The following SVOPL variants were observed in gnomAD, a reference collection of about 807,000 sequenced individuals.
SVOPL encodes the protein SVOP like, also known as putative transporter SVOPL.
In SVOPL, 60 loss-of-function variants were observed where a neutral mutation model predicts 61.0. The observed-to-expected ratio is 0.98, with a 90% CI of 0.80 to 1.22. SVOPL has a LOEUF of 1.22. SVOPL is among the 50% of genes most tolerant of loss of function. SVOPL has a pLI of 0.00. For missense variants in SVOPL, 662 were observed against 643.9 expected, an observed-to-expected ratio of 1.03 and a Z score of -0.30; for synonymous variants, 279 against 250.0, an observed-to-expected ratio of 1.12 and a Z score of -1.09.
At chr7:138,623,761 T>A (rs2116892877) in intron 13 of SVOPL, among the ~76,000 whole-genome samples, 1 of 152,338 alleles carries the variant, frequency 6.6e-6, no homozygotes, top group African/African-American at 2.4e-5. Flanking sequence ...ACTTTAGATT[T>A]GTTTTTGTTT....
At chr7:138,687,540 A>T (rs938669747) in intron 1 of SVOPL, among the ~76,000 whole-genome samples, 2 of 150,462 alleles carry the variant, frequency 1.3e-5, no homozygotes, top group Non-Finnish European at 3.0e-5. Flanking sequence ...CTTGCCCTAC[A>T]TTTTTTTTAT....
chr7:138,665,214 T>G (rs141867436), intron 4 of SVOPL, among the ~76,000 whole-genome samples: 1,650 of 144,318 alleles, frequency 0.011, 22 homozygotes, highest in South Asian at 0.051. Flanking sequence ...CACAAAGCGT[T>G]TCTTCAGCAT....
At chr7:138,656,385 G>A in intron 7 of SVOPL, 63 bp downstream of exon 7, 3 of 1,501,282 alleles carry the variant, frequency 2.0e-6, no homozygotes, top group Admixed American at 1.7e-5. Context: ...TCCAAGGTAT[G>A]CCTATATGTA....
At chr7:138,604,786 G>C (rs2116775739) in intron 14 of SVOPL, among the ~76,000 whole-genome samples, 1 of 151,654 alleles carries the variant, frequency 6.6e-6, no homozygotes, top group South Asian at 2.1e-4. Context: ...TAGTGCAATG[G>C]AAATAAAAAC....
chr7:138,630,973 A>C (rs1330176407), intron 9 of SVOPL, among the ~76,000 whole-genome samples: 1 of 150,868 alleles, frequency 6.6e-6, no homozygotes, highest in Non-Finnish European at 1.5e-5. Context: ...AAAAAAAGCA[A>C]GGAAGAGTTA....
In SVOPL at chr7:138,628,316, T is replaced by C. The variant is rs200107850; in HGVS notation, c.911A>G (p.Glu304Gly). ...AYYGVILASAELLERDLVCGS... is the reference protein window; with the variant it reads ...AYYGVILASAGLLERDLVCGS... ...ACAGACCAAGTCCCGCTCCAGCAGC[T>C]CAGCACTGGCCAGGATAACCCCATA... Residue 304 changes from glutamate to glycine, a missense_variant, in exon 11 of 16, where the codon GAG becomes GGG. Coordinates refer to ENST00000674285, the MANE Select transcript of SVOPL (RefSeq NM_001139456.2). The C allele has an allele frequency of 3.2e-4, 520 of 1,613,766 alleles. No homozygotes were observed. The highest frequency in any genetic ancestry group is 5.8e-4 in the Admixed American group (35 of 59,960).
intron 4 of SVOPL, among the ~76,000 whole-genome samples, chr7:138,670,417 C>T (rs1447030086): frequency 1.3e-5 from 2 of 152,118 alleles, no homozygotes; most frequent in Non-Finnish European, 2.9e-5. Context: ...TATTGTAGAA[C>T]CTAAGATTGG....
chr7:138,654,275 A>C (rs1277988097), intron 7 of SVOPL, among the ~76,000 whole-genome samples: 1 of 152,222 alleles, frequency 6.6e-6, no homozygotes, highest in East Asian at 1.9e-4. Flanking sequence ...GAAGAGAATA[A>C]TTCATAGGTT....
At chr7:138,694,217 G>C (rs900856079) in intron 1 of SVOPL, among the ~76,000 whole-genome samples, 2 of 152,186 alleles carry the variant, frequency 1.3e-5, no homozygotes, top group Non-Finnish European at 2.9e-5. Context: ...AACGATATAG[G>C]TGGGCATAAG....
chr7:138,612,424 T>TAAA (rs1281500368), intron 14 of SVOPL, among the ~76,000 whole-genome samples: 2 of 41,198 alleles, frequency 4.9e-5, no homozygotes, highest in Non-Finnish European at 1.0e-4. Flanking sequence ...AAAAAAAAAA[T>TAAA]AAAATAAAAA....
At chr7:138,615,410 A>C (rs1175906501) in intron 14 of SVOPL, among the ~76,000 whole-genome samples, 1 of 152,054 alleles carries the variant, frequency 6.6e-6, no homozygotes, top group East Asian at 1.9e-4. Flanking sequence ...ACAAAAAATT[A>C]GCCGGGCGTG....
intron 1 of SVOPL, among the ~76,000 whole-genome samples, chr7:138,691,885 A>T (rs1241901946): frequency 1.3e-5 from 2 of 150,192 alleles, no homozygotes; most frequent in Non-Finnish European, 2.9e-5. Context: ...TTTTTGAGAC[A>T]GAGTCTCGCT....
At chr7:138,619,940 A>C (rs1799476310) in intron 14 of SVOPL, among the ~76,000 whole-genome samples, 1 of 152,052 alleles carries the variant, frequency 6.6e-6, no homozygotes, top group African/African-American at 2.4e-5. Context: ...GGGAGGAGGA[A>C]AGCCTGCATG....
At chr7:138,689,134 C>A in intron 1 of SVOPL, 1 of 873,852 alleles carries the variant, frequency 1.1e-6, no homozygotes. Flanking sequence ...AAAGATGTCA[C>A]TTTACAGAAA....
At chr7:138,671,874 G>T in intron 4 of SVOPL, 145 bp downstream of exon 4, 1 of 658,524 alleles carries the variant, frequency 1.5e-6, no homozygotes, top group Non-Finnish European at 2.6e-6. Flanking sequence ...AGGTGACGAA[G>T]ACATCAAATG....
rs1214530411 is a variant in SVOPL, at chr7:138,672,673, A to AAAG, written c.175-559_175-557dup. 5.8e-3 allele frequency among the ~76,000 whole-genome samples: 871 copies of AAAG among 150,554 alleles called. 16 individuals carry two copies. Among genetic ancestry groups the AAAG allele is most frequent in the African/African-American group, 0.02 (833 of 40,774 alleles). ...TTTGTGTTTAAAAAAAAAAAAAAAAAAAGAAGCAATGGGATCTCACTATGT... is the reference window on the plus strand; with the variant it reads ...TTTGTGTTTAAAAAAAAAAAAAAAAAAAGAAGAAGCAATGGGATCTCACTATGT... On this transcript the variant is annotated intron_variant, in intron 3 of 15. Transcript: ENST00000674285.
intron 1 of SVOPL, among the ~76,000 whole-genome samples, chr7:138,695,626 G>A (rs911204627): frequency 2.6e-4 from 40 of 152,146 alleles, no homozygotes; most frequent in Non-Finnish European, 7.3e-5. Flanking sequence ...ACCTGGGGGG[G>A]CTTCTGTAGG....
At chr7:138,637,481 GATATAGATAGATATATATATATAT>G (rs1563108860) in intron 9 of SVOPL, among the ~76,000 whole-genome samples, 7,951 of 41,278 alleles carry the variant, frequency 0.19, 786 homozygotes, top group African/African-American at 0.29. Context: ...TATAGATATA[GATATAGATAGATATATATATATAT>G]ATATAGATAG....
At chr7:138,610,470 G>A (rs999495835) in intron 14 of SVOPL, among the ~76,000 whole-genome samples, 6 of 151,936 alleles carry the variant, frequency 3.9e-5, no homozygotes, top group African/African-American at 1.5e-4. Flanking sequence ...ATCATTAAAT[G>A]GTGAGATATT....
Sources: gnomAD v4.1 joint callset for allele counts (sites outside exome capture counted in the v4.1 genomes callset) on GRCh38, gnomAD v4.1.1 for gene constraint, MANE v1.5 for transcripts, NCBI Gene and HGNC (gene_info 2026-07-23, HGNC 2026-07-21) for gene names.